Variants in CDH13 observed in about 807,000 individuals in gnomAD.
CDH13 encodes the protein cadherin-13.
A neutral mutation model predicts 63.8 loss-of-function variants in CDH13; 24 were observed. That is an observed-to-expected ratio of 0.38 (90% CI 0.27 to 0.53). The LOEUF is 0.53. Ranked by LOEUF, CDH13 falls within the 20% of genes least tolerant of loss-of-function variation. The probability of loss-of-function intolerance (pLI) is 0.85; values close to 1 mark genes in which losing one functional copy is unlikely to be tolerated. For missense variants in CDH13, 1,049 were observed against 903.1 expected, an observed-to-expected ratio of 1.16 and a Z score of -2.07; for synonymous variants, 503 against 355.3, an observed-to-expected ratio of 1.42 and a Z score of -4.67.
chr16:83,247,546 A>G (rs1202234449), intron 5 of CDH13, among the ~76,000 whole-genome samples: 1 of 152,012 alleles, frequency 6.6e-6, no homozygotes, highest in Non-Finnish European at 1.5e-5. Flanking sequence ...ATTCAGAATT[A>G]GATATCACTC....
At chr16:83,484,970 G>C (rs1412267775) in intron 6 of CDH13, among the ~76,000 whole-genome samples, 1 of 152,212 alleles carries the variant, frequency 6.6e-6, no homozygotes, top group Non-Finnish European at 1.5e-5. Flanking sequence ...CCAAAGGCAA[G>C]GGGGCTGCAT....
intron 3 of CDH13, among the ~76,000 whole-genome samples, chr16:83,043,832 A>C (rs1009744706): frequency 5.7e-4 from 54 of 95,496 alleles, no homozygotes; most frequent in Admixed American, 4.4e-4. Context: ...CTCTATCTCA[A>C]AAAAAAAAAA....
At chr16:83,510,185 T>C (rs906041861) in intron 7 of CDH13, among the ~76,000 whole-genome samples, 1 of 152,214 alleles carries the variant, frequency 6.6e-6, no homozygotes, top group African/African-American at 2.4e-5. Context: ...TCTTCAGGGA[T>C]ATTATTTTCG....
intron 1 of CDH13, among the ~76,000 whole-genome samples, chr16:82,818,832 A>G (rs1165941478): frequency 6.6e-6 from 1 of 152,210 alleles, no homozygotes; most frequent in East Asian, 1.9e-4. Flanking sequence ...TACAAACACC[A>G]AGTCTGCTGT....
intron 11 of CDH13, among the ~76,000 whole-genome samples, chr16:83,754,091 G>C (rs1913310967): frequency 6.6e-6 from 1 of 152,116 alleles, no homozygotes; most frequent in African/African-American, 2.4e-5. Flanking sequence ...GGAAACTTGA[G>C]GGGCTGCTTT....
chr16:82,933,527 C>A (rs1295454309), intron 2 of CDH13, among the ~76,000 whole-genome samples: 1 of 152,150 alleles, frequency 6.6e-6, no homozygotes, highest in African/African-American at 2.4e-5. Flanking sequence ...TCTCAAATCT[C>A]ATGTTTCTCA....
intron 2 of CDH13, among the ~76,000 whole-genome samples, chr16:82,950,240 A>G (rs1280453558): frequency 6.6e-6 from 1 of 152,054 alleles, no homozygotes. Context: ...GGCATTCCTT[A>G]GCTTATAGCC....
At chr16:83,629,192 G>T (rs1032988374) in intron 8 of CDH13, among the ~76,000 whole-genome samples, 1 of 152,190 alleles carries the variant, frequency 6.6e-6, no homozygotes, top group South Asian at 2.1e-4. Flanking sequence ...AGCCAGTTAA[G>T]CATATGTTTC....
At chr16:83,070,594 CA>C (rs1350370453) in intron 3 of CDH13, among the ~76,000 whole-genome samples, 1 of 152,016 alleles carries the variant, frequency 6.6e-6, no homozygotes, top group Non-Finnish European at 1.5e-5. Flanking sequence ...TTTAGAAAAG[CA>C]AACATGACTA....
chr16:83,577,625 C>T (rs1418959217), intron 7 of CDH13, among the ~76,000 whole-genome samples: 1 of 152,194 alleles, frequency 6.6e-6, no homozygotes, highest in Non-Finnish European at 1.5e-5. Context: ...GCCTGAGACT[C>T]ATGGGTTTGT....
At chr16:83,775,853 T>C (rs1290039857) in intron 11 of CDH13, among the ~76,000 whole-genome samples, 1 of 152,134 alleles carries the variant, frequency 6.6e-6, no homozygotes, top group Non-Finnish European at 1.5e-5. Flanking sequence ...AGGCTGCTGA[T>C]GGAAAGAGGA....
At chr16:82,900,892 T>C (rs896682007) in intron 2 of CDH13, among the ~76,000 whole-genome samples, 3 of 152,194 alleles carry the variant, frequency 2.0e-5, no homozygotes, top group Admixed American at 2.0e-4. Flanking sequence ...GGATTAAGCA[T>C]AAACCAAAAC....
intron 2 of CDH13, among the ~76,000 whole-genome samples, chr16:82,937,619 G>A (rs545218000): frequency 6.6e-6 from 1 of 152,282 alleles, no homozygotes; most frequent in Admixed American, 6.5e-5. Flanking sequence ...CAAGCCAGTT[G>A]CAAACAGATA....
chr16:83,238,448 A>G (rs1254531884), intron 5 of CDH13, among the ~76,000 whole-genome samples: 1 of 152,204 alleles, frequency 6.6e-6, no homozygotes, highest in African/African-American at 2.4e-5. Flanking sequence ...ACCTCCCACC[A>G]GGTCACTCCC....
intron 1 of CDH13, among the ~76,000 whole-genome samples, chr16:82,651,176 T>G (rs1910678742): frequency 6.6e-6 from 1 of 152,238 alleles, no homozygotes; most frequent in African/African-American, 2.4e-5. Flanking sequence ...TGTGCTCCAA[T>G]AATTATTAAT....
chr16:83,576,762 A>G (rs1905113110), intron 7 of CDH13, among the ~76,000 whole-genome samples: 1 of 152,126 alleles, frequency 6.6e-6, no homozygotes, highest in Non-Finnish European at 1.5e-5. Flanking sequence ...ATGATTAGTG[A>G]TACTGAACAT....
intron 2 of CDH13, among the ~76,000 whole-genome samples, chr16:83,001,130 CG>C (rs1912881510): frequency 6.6e-6 from 1 of 152,198 alleles, no homozygotes; most frequent in African/African-American, 2.4e-5. Flanking sequence ...TCTAGTAGAT[CG>C]TAAGTCCCTT....
intron 7 of CDH13, among the ~76,000 whole-genome samples, chr16:83,581,856 C>A (rs372318442): frequency 7.2e-4 from 109 of 152,252 alleles, no homozygotes; most frequent in Middle Eastern, 3.4e-3. Context: ...AAAACTGAGT[C>A]TCCACCCTAG....
chr16:83,032,271 C>A, intron 3 of CDH13, 53 bp downstream of exon 3: 1 of 1,411,098 alleles, frequency 7.1e-7, no homozygotes, highest in South Asian at 1.2e-5. Flanking sequence ...TAGGTTCTGT[C>A]TGTCTTATGT....
Sources: gnomAD v4.1 joint callset for allele counts (sites outside exome capture counted in the v4.1 genomes callset) on GRCh38, gnomAD v4.1.1 for gene constraint, MANE v1.5 for transcripts, NCBI Gene and HGNC (gene_info 2026-07-23, HGNC 2026-07-21) for gene names.